HSD17B12: variants seen among roughly 807,000 people sequenced by gnomAD.
The protein encoded by HSD17B12 is very-long-chain 3-oxoacyl-CoA reductase.
Under a neutral mutation model 39.3 loss-of-function variants are expected in HSD17B12, and 32 were observed. That is an observed-to-expected ratio of 0.81 (90% CI 0.61 to 1.09). The LOEUF is 1.09. Ranked by LOEUF, HSD17B12 falls within the 50% of genes least tolerant of loss-of-function variation. The probability of loss-of-function intolerance (pLI) is 0.00; values close to 1 mark genes in which losing one functional copy is unlikely to be tolerated. For synonymous variants in HSD17B12, 150 were observed against 146.7 expected, an observed-to-expected ratio of 1.02 and a Z score of -0.16; for missense variants, 342 against 382.9, an observed-to-expected ratio of 0.89 and a Z score of 0.89.
chr11:43,848,964 T>A (rs1219051927), intron 9 of HSD17B12, among the ~76,000 whole-genome samples: 3 of 152,194 alleles, frequency 2.0e-5, no homozygotes, highest in Non-Finnish European at 4.4e-5. Flanking sequence ...CATCGTGGTT[T>A]AACAGCCCCT....
At chr11:43,636,431 C>T in the HSD17B12 span, among the ~76,000 whole-genome samples, 1 of 152,198 alleles carries the variant, frequency 6.6e-6, no homozygotes, top group South Asian at 2.1e-4. Flanking sequence ...GAGCGTAGTT[C>T]AACAGTTAAG....
At chr11:43,679,987 A>G (rs893117317), upstream of HSD17B12, among the ~76,000 whole-genome samples, 9 of 151,222 alleles carry the variant, frequency 6.0e-5, no homozygotes, top group Non-Finnish European at 1.3e-4. Flanking sequence ...TATATTTATT[A>G]TATAATTATA....
chr11:43,776,691 C>A (rs1590290230), intron 3 of HSD17B12, among the ~76,000 whole-genome samples: 1 of 152,168 alleles, frequency 6.6e-6, no homozygotes, highest in East Asian at 1.9e-4. Flanking sequence ...ATGCCTATGT[C>A]CTGAACGGTA....
At chr11:43,676,903 C>T (rs1195657537), upstream of HSD17B12, among the ~76,000 whole-genome samples, 1 of 152,072 alleles carries the variant, frequency 6.6e-6, no homozygotes, top group African/African-American at 2.4e-5. Context: ...CTAGAGGGTG[C>T]CTTGTTGGTG....
At chr11:43,624,476 T>C in the HSD17B12 span, among the ~76,000 whole-genome samples, 1 of 151,896 alleles carries the variant, frequency 6.6e-6, no homozygotes, top group Non-Finnish European at 1.5e-5. Context: ...AACTGGATGT[T>C]ATTCCTTGCA....
the HSD17B12 span, among the ~76,000 whole-genome samples, chr11:43,603,264 G>A: frequency 6.6e-6 from 1 of 152,108 alleles, no homozygotes; most frequent in Non-Finnish European, 1.5e-5. Flanking sequence ...CTGCAGGCAT[G>A]AACATACATC....
intron 1 of HSD17B12, among the ~76,000 whole-genome samples, chr11:43,745,802 G>A (rs999879716): frequency 5.3e-5 from 8 of 152,086 alleles, no homozygotes; most frequent in Non-Finnish European, 1.0e-4. Context: ...AGGCCGAGGT[G>A]GGAGCATTGC....
chr11:43,795,989 C>T (rs960952965), intron 3 of HSD17B12, among the ~76,000 whole-genome samples: 8 of 152,138 alleles, frequency 5.3e-5, no homozygotes, highest in Non-Finnish European at 1.5e-5. Context: ...AAGGACCCAC[C>T]AGAGACAAGG....
At chr11:43,734,717 G>A (rs1359647719) in intron 1 of HSD17B12, among the ~76,000 whole-genome samples, 1 of 152,212 alleles carries the variant, frequency 6.6e-6, no homozygotes, top group Non-Finnish European at 1.5e-5. Flanking sequence ...AATCACTTCA[G>A]AAACCCCATC....
chr11:43,560,978 T>C, the HSD17B12 span, among the ~76,000 whole-genome samples: 1 of 152,204 alleles, frequency 6.6e-6, no homozygotes, highest in Non-Finnish European at 1.5e-5. Flanking sequence ...TCTTCTCCTC[T>C]AAGCAAGTCC....
At chr11:43,797,200 A>G (rs1214791367) in intron 3 of HSD17B12, among the ~76,000 whole-genome samples, 1 of 152,226 alleles carries the variant, frequency 6.6e-6, no homozygotes, top group Admixed American at 6.5e-5. Flanking sequence ...CATACCTCCT[A>G]CGAGGATTAA....
chr11:43,568,082 A>T, the HSD17B12 span, among the ~76,000 whole-genome samples: 1 of 151,926 alleles, frequency 6.6e-6, no homozygotes, highest in African/African-American at 2.4e-5. Context: ...TTGTTTTTTT[A>T]TTCTTTTAAT....
the HSD17B12 span, among the ~76,000 whole-genome samples, chr11:43,606,631 T>A: frequency 6.6e-6 from 1 of 152,200 alleles, no homozygotes; most frequent in South Asian, 2.1e-4. Context: ...CAATGAAGAA[T>A]CAGGAGACAG....
chr11:43,675,327 A>C, the HSD17B12 span, among the ~76,000 whole-genome samples: 2 of 152,224 alleles, frequency 1.3e-5, no homozygotes, highest in Non-Finnish European at 2.9e-5. Flanking sequence ...ATGTGAACAA[A>C]AGCCTAAATA....
the HSD17B12 span, chr11:43,579,514 G>C: frequency 6.6e-6 from 1 of 152,318 alleles, no homozygotes; most frequent in Non-Finnish European, 1.5e-5. Context: ...CCCCCAGACC[G>C]AGGTAAGGAG....
chr11:43,763,552 G>A (rs1464309758), intron 3 of HSD17B12, among the ~76,000 whole-genome samples: 1 of 148,706 alleles, frequency 6.7e-6, no homozygotes, highest in Admixed American at 6.7e-5. Flanking sequence ...TAATTCATAA[G>A]CTTTCTTTGT....
chr11:43,645,133 T>C, the HSD17B12 span: 3 of 152,344 alleles, frequency 2.0e-5, no homozygotes, highest in African/African-American at 2.4e-5. Flanking sequence ...ATCTTTGATA[T>C]TGGGTACTGT....
chr11:43,843,597 GC>G (rs150793718), intron 9 of HSD17B12, among the ~76,000 whole-genome samples: 3,090 of 152,216 alleles, frequency 0.02, 103 homozygotes, highest in African/African-American at 0.07. Flanking sequence ...CCTCTGAAGT[GC>G]CCATGACTGG....
intron 7 of HSD17B12, among the ~76,000 whole-genome samples, chr11:43,834,615 G>C (rs1047549572): frequency 4.6e-5 from 7 of 152,132 alleles, no homozygotes; most frequent in Non-Finnish European, 1.0e-4. Flanking sequence ...TACCACAACA[G>C]TCTGATAGAA....
Sources: allele counts gnomAD v4.1 joint callset (sites outside exome capture counted in the v4.1 genomes callset), GRCh38; gene constraint gnomAD v4.1.1; transcripts MANE v1.5; gene names NCBI Gene and HGNC (gene_info 2026-07-23, HGNC 2026-07-21).